The following METTL2A variants were observed in gnomAD, a reference collection of about 807,000 sequenced individuals.
METTL2A encodes methyltransferase 2A, tRNA N3-cytidine.
Under a neutral mutation model 49.4 loss-of-function variants are expected in METTL2A, and 45 were observed. That is an observed-to-expected ratio of 0.91 (90% CI 0.72 to 1.17). The LOEUF (loss-of-function observed/expected upper bound fraction) is 1.17, where lower values mean the gene tolerates loss of function less well. Among genes scored for constraint, METTL2A ranks in the 50% most tolerant of loss-of-function variants. The probability of loss-of-function intolerance (pLI) is 0.00; values close to 1 mark genes in which losing one functional copy is unlikely to be tolerated. For synonymous variants in METTL2A, 118 were observed against 167.5 expected (o/e 0.70, Z 2.28); for missense variants, 361 against 462.2 (o/e 0.78, Z 2.01).
chr17:62,446,008 GTATT>G (rs1023511136), intron 7 of METTL2A, among the ~76,000 whole-genome samples: 7 of 152,238 alleles, frequency 4.6e-5, no homozygotes, highest in Non-Finnish European at 1.0e-4. Context: ...CAGGCGAGGA[GTATT>G]TAGTCAGTTC....
intron 6 of METTL2A, among the ~76,000 whole-genome samples, chr17:62,442,531 G>A (rs370283762): frequency 1.3e-5 from 2 of 152,048 alleles, no homozygotes; most frequent in South Asian, 2.1e-4. Context: ...CACCCACCTC[G>A]GCATCCCAAA....
intron 6 of METTL2A, among the ~76,000 whole-genome samples, chr17:62,443,654 G>C (rs2070750665): frequency 6.6e-6 from 1 of 151,922 alleles, no homozygotes; most frequent in South Asian, 2.1e-4. Flanking sequence ...CAGTGCTATG[G>C]TCTTGGCTCA....
At chr17:62,436,911 C>T (rs1483825632) in intron 5 of METTL2A, among the ~76,000 whole-genome samples, 2 of 152,072 alleles carry the variant, frequency 1.3e-5, no homozygotes, top group African/African-American at 2.4e-5. Context: ...AGTTTGATGC[C>T]ATTTCAAAAC....
intron 7 of METTL2A, among the ~76,000 whole-genome samples, chr17:62,446,940 G>A (rs545421982): frequency 9.2e-5 from 14 of 152,228 alleles, no homozygotes; most frequent in South Asian, 4.1e-4. Flanking sequence ...GTGCCAGGCC[G>A]GTAAACTGAG....
rs1292261219 is a variant in METTL2A at position 62,452,774 on chromosome 17, T to G, written c.*4045T>G. On this transcript the variant is annotated 3_prime_UTR_variant, in exon 9 of 9. Coordinates refer to ENST00000311506, the MANE Select transcript of METTL2A (RefSeq NM_181725.4). Reference sequence around the variant, plus strand: ...GACTACAGGCATGTGCCACCAAGCCTAATTTTTGTATTTTTTGTAGAGACA... The same window carrying G: ...GACTACAGGCATGTGCCACCAAGCCGAATTTTTGTATTTTTTGTAGAGACA... Among the ~76,000 whole-genome samples the G allele has an allele frequency of 6.6e-6, 1 of 152,060 alleles. No homozygotes were observed. Among genetic ancestry groups the G allele is most frequent in the East Asian group, 1.9e-4 (1 of 5,168 alleles).
At chr17:62,434,945 A>G (rs1022833671) in intron 4 of METTL2A, 3 of 421,130 alleles carry the variant, frequency 7.1e-6, no homozygotes, top group Non-Finnish European at 1.3e-5. Flanking sequence ...GCAAGGCTTC[A>G]TTTGAGGGAA....
chr17:62,431,315 T>C (rs1206992613), intron 4 of METTL2A, among the ~76,000 whole-genome samples: 1 of 152,026 alleles, frequency 6.6e-6, no homozygotes, highest in East Asian at 1.9e-4. Flanking sequence ...CTGCAGTCTT[T>C]ACAGCCTTTT....
chr17:62,445,473 A>G, intron 7 of METTL2A, among the ~76,000 whole-genome samples: 1 of 152,166 alleles, frequency 6.6e-6, no homozygotes, highest in Non-Finnish European at 1.5e-5. Flanking sequence ...TAAGCAAGAC[A>G]GCTACCTTTA....
Position 62,451,819 on chromosome 17 carries a change from G to A in METTL2A, c.*3090G>A, listed in dbSNP as rs1008146604. On this transcript the variant is annotated 3_prime_UTR_variant, in exon 9 of 9. Coordinates refer to ENST00000311506, the MANE Select transcript of METTL2A (RefSeq NM_181725.4). ...GCAGGAGAATCACTTGAATCTGGGA[G>A]GCGGAGGTTGCAGTGAGCCGAGATG... Among the ~76,000 whole-genome samples, 3 of 151,936 alleles carry A rather than the reference G, an allele frequency of 2.0e-5. No homozygotes were observed. Among genetic ancestry groups the A allele is most frequent in the African/African-American group, 7.3e-5 (3 of 41,360 alleles).
intron 6 of METTL2A, 46 bp from the exon 7 acceptor site, chr17:62,444,791 G>A (rs1395757484): frequency 8.7e-6 from 14 of 1,600,512 alleles, no homozygotes; most frequent in African/African-American, 2.7e-5. Flanking sequence ...AGAGAACCCC[G>A]TCTTTAAGGA....
chr17:62,437,762 A>G (rs1157521867), intron 5 of METTL2A, among the ~76,000 whole-genome samples: 8 of 151,874 alleles, frequency 5.3e-5, no homozygotes, highest in Non-Finnish European at 1.5e-5. Context: ...TCACGAGGTC[A>G]GGAGTTCGAT....
At position 62,429,728 on chromosome 17, in the gene METTL2A, T is replaced by G. The variant is rs557958631; in HGVS notation, c.608+1891T>G. Among the ~76,000 whole-genome samples the G allele has an allele frequency of 8.5e-5, 13 of 152,330 alleles. No individual in the cohort carries two copies. The East Asian group carries it at 2.3e-3, about 27-fold the overall frequency. On this transcript the variant is annotated intron_variant, in intron 4 of 8. Coordinates refer to ENST00000311506, the MANE Select transcript of METTL2A (RefSeq NM_181725.4). ...CTCTGTTGCCCAGGCTGGAGTGCAG[T>G]GGCGTAATCTTGGCTCACTGCAACC...
intron 2 of METTL2A, 36 bp from the exon 3 acceptor site, chr17:62,426,263 A>G: frequency 6.5e-7 from 1 of 1,528,754 alleles, no homozygotes; most frequent in Non-Finnish European, 8.9e-7. Flanking sequence ...AACATTTGAG[A>G]GCTGGTTCTT....
Position 62,450,448 on chromosome 17 carries a change from T to TA in METTL2A, c.*1720dup, listed in dbSNP as rs1373777519. Reference sequence around the variant, plus strand: ...AGCTAATTGTTAGATCCTTTTTTTTTATGTTCTGCATTTTTTCAGTTATTT... The same window carrying TA: ...AGCTAATTGTTAGATCCTTTTTTTTTAATGTTCTGCATTTTTTCAGTTATTT... On this transcript the variant is annotated 3_prime_UTR_variant, in exon 9 of 9. Coordinates refer to ENST00000311506, the MANE Select transcript of METTL2A (RefSeq NM_181725.4). 6.6e-5 allele frequency: 10 copies of TA among 151,962 alleles called. No homozygotes were observed. In the South Asian group the frequency reaches 1.0e-3, roughly 16 times the overall value. The allele number at this position is 151,962 out of a possible 1,614,324, so 9.4% of individuals were successfully genotyped here.
rs185635958 is a variant in METTL2A at position 62,424,453 on chromosome 17, G to A, written c.202+143G>A. 3.6e-4 allele frequency: 448 copies of A among 1,227,612 alleles called. 1 individual carries two copies. The African/African-American group carries it at 6.0e-3, about 17-fold the overall frequency. The allele number at this position is 1,227,612 out of a possible 1,614,324, so 76.0% of individuals were successfully genotyped here. ...CTCAGGAGTAGAGCGGGACAGGGAG[G>A]GGATGAGCAAGGAGAGAAAAGGGCT... is the stretch of plus-strand genomic sequence containing the variant. On this transcript the variant is annotated intron_variant, in intron 2 of 8. Transcript: ENST00000311506.
chr17:62,433,953 T>G (rs879468845), intron 4 of METTL2A, among the ~76,000 whole-genome samples: 2 of 152,022 alleles, frequency 1.3e-5, no homozygotes, highest in African/African-American at 2.4e-5. Context: ...TCCGAGCTAC[T>G]TGGGGGGCTG....
chr17:62,442,957 C>T (rs2070746866), intron 6 of METTL2A, among the ~76,000 whole-genome samples: 1 of 152,186 alleles, frequency 6.6e-6, no homozygotes, highest in African/African-American at 2.4e-5. Flanking sequence ...GATTGACCTT[C>T]CTCTAGAAGG....
intron 3 of METTL2A, among the ~76,000 whole-genome samples, chr17:62,427,016 C>T (rs1443674772): frequency 1.3e-5 from 2 of 152,184 alleles, no homozygotes; most frequent in Admixed American, 1.3e-4. Flanking sequence ...ATTGTTGCTT[C>T]TCTTCTAATA....
intron 7 of METTL2A, 116 bp downstream of exon 7, chr17:62,445,059 C>G: frequency 8.9e-7 from 1 of 1,127,724 alleles, no homozygotes; most frequent in Non-Finnish European, 1.2e-6. Flanking sequence ...AACCAAACAC[C>G]ACTTTTTCTC....
Sources: allele counts gnomAD v4.1 joint callset (sites outside exome capture counted in the v4.1 genomes callset), GRCh38; gene constraint gnomAD v4.1.1; transcripts MANE v1.5; gene names NCBI Gene and HGNC (gene_info 2026-07-23, HGNC 2026-07-21).